RERE: variants seen among roughly 807,000 people sequenced by gnomAD.
RERE encodes the protein arginine-glutamic acid dipeptide repeats.
RERE carries 40 observed loss-of-function variants against 146.1 expected under a neutral mutation model. The observed-to-expected ratio is 0.27, with a 90% CI of 0.21 to 0.36. The LOEUF is 0.36. Among genes scored for constraint, RERE ranks in the 10% least tolerant of loss-of-function variants. The pLI, the probability that RERE is intolerant of heterozygous loss-of-function variation, is 1.00. For synonymous variants in RERE, 1,003 were observed against 866.0 expected, an observed-to-expected ratio of 1.16 and a Z score of -2.78; for missense variants, 1,933 against 2,138.7, an observed-to-expected ratio of 0.90 and a Z score of 1.90.
At chr1:8,489,589 T>C (rs1007778679) in intron 10 of RERE, among the ~76,000 whole-genome samples, 4 of 152,098 alleles carry the variant, frequency 2.6e-5, no homozygotes, top group African/African-American at 7.2e-5. Context: ...TGCTCAACCC[T>C]ATTAAATTAG....
At chr1:8,449,003 G>A (rs920779908) in intron 11 of RERE, among the ~76,000 whole-genome samples, 5 of 152,122 alleles carry the variant, frequency 3.3e-5, no homozygotes, top group Non-Finnish European at 7.3e-5. Context: ...CAGCTCTTTC[G>A]CTTGGTTAAC....
At chr1:8,372,557 A>G (rs1300076100) in intron 12 of RERE, among the ~76,000 whole-genome samples, 1 of 97,194 alleles carries the variant, frequency 1.0e-5, no homozygotes, top group African/African-American at 3.8e-5. Context: ...AAATTAAGCC[A>G]AAGAAGGACT....
At chr1:8,569,604 C>A (rs1646195042) in intron 4 of RERE, among the ~76,000 whole-genome samples, 1 of 152,166 alleles carries the variant, frequency 6.6e-6, no homozygotes, top group Non-Finnish European at 1.5e-5. Flanking sequence ...GATAATATTT[C>A]CTTGAGGTTG....
At chr1:8,408,286 A>G (rs1643511489) in intron 12 of RERE, among the ~76,000 whole-genome samples, 1 of 152,198 alleles carries the variant, frequency 6.6e-6, no homozygotes, top group Non-Finnish European at 1.5e-5. Context: ...AGTAGTAACA[A>G]AGGGCACCAG....
intron 1 of RERE, among the ~76,000 whole-genome samples, chr1:8,750,256 T>C (rs1281338643): frequency 6.6e-6 from 1 of 151,510 alleles, no homozygotes; most frequent in Non-Finnish European, 1.5e-5. Flanking sequence ...ACGTAGTCAG[T>C]AGTCAATGTG....
intron 1 of RERE, among the ~76,000 whole-genome samples, chr1:8,776,127 C>A (rs996581144): frequency 3.3e-5 from 5 of 152,220 alleles, no homozygotes; most frequent in African/African-American, 2.4e-5. Context: ...GTAATAATCT[C>A]TAAATTCTTC....
rs556275406 is a variant in RERE, at chr1:8,361,962, CTT to C, written c.1903-88_1903-87del. On this transcript the variant is annotated intron_variant, in intron 16 of 22. Transcript: ENST00000400908. ...GCAAGGAAATGACGGTTTGCAGACA[CTT>C]TGCTCCCTCATTCTGAGTTCCATCT... 1.9e-4 allele frequency: 182 copies of C among 944,442 alleles called. No individual in the cohort carries two copies. The African/African-American group carries it at 2.7e-3, about 14-fold the overall frequency. 58.5% of individuals were successfully genotyped at this position (944,442 alleles called of 1,614,324 possible).
At chr1:8,800,258 C>CA (rs34669744) in intron 1 of RERE, among the ~76,000 whole-genome samples, 45,491 of 143,828 alleles carry the variant, frequency 0.32, 7,780 homozygotes, top group African/African-American at 0.46. Flanking sequence ...GACTCTACGT[C>CA]AAAAAAAAAA....
At chr1:8,433,247 T>TA (rs1470654836) in intron 11 of RERE, among the ~76,000 whole-genome samples, 20 of 152,300 alleles carry the variant, frequency 1.3e-4, no homozygotes, top group African/African-American at 4.8e-4. Context: ...CTGGTTCTCT[T>TA]AACAATGGAA....
chr1:8,579,761 T>A (rs1335758399), intron 4 of RERE, among the ~76,000 whole-genome samples: 1 of 152,240 alleles, frequency 6.6e-6, no homozygotes, highest in East Asian at 1.9e-4. Context: ...CCCAACACTC[T>A]GGGAGGCCAA....
At chr1:8,612,043 T>TA (rs1481178762) in intron 4 of RERE, among the ~76,000 whole-genome samples, 1 of 152,286 alleles carries the variant, frequency 6.6e-6, no homozygotes, top group Non-Finnish European at 1.5e-5. Context: ...AGTTAAAACT[T>TA]ACAAAATTAA....
At chr1:8,739,324 C>T (rs780681878) in intron 1 of RERE, among the ~76,000 whole-genome samples, 1 of 152,166 alleles carries the variant, frequency 6.6e-6, no homozygotes, top group Non-Finnish European at 1.5e-5. Context: ...GAACTTCAGG[C>T]AATCCACTCT....
chr1:8,420,964 G>A (rs184830658), intron 12 of RERE, among the ~76,000 whole-genome samples: 1 of 152,134 alleles, frequency 6.6e-6, no homozygotes, highest in Non-Finnish European at 1.5e-5. Context: ...CATAGTAGAA[G>A]AACTTAACTA....
chr1:8,768,034 CGTG>C (rs557253567), intron 1 of RERE, among the ~76,000 whole-genome samples: 1 of 152,032 alleles, frequency 6.6e-6, no homozygotes, highest in Non-Finnish European at 1.5e-5. Flanking sequence ...AGACGAGCTA[CGTG>C]GTGGACAGAT....
intron 4 of RERE, among the ~76,000 whole-genome samples, chr1:8,596,824 T>C (rs1222671931): frequency 6.6e-6 from 1 of 152,144 alleles, no homozygotes; most frequent in Non-Finnish European, 1.5e-5. Context: ...AAAACAATTT[T>C]CTCTAATGAA....
At chr1:8,793,068 A>G (rs1017185436) in intron 1 of RERE, among the ~76,000 whole-genome samples, 1 of 150,824 alleles carries the variant, frequency 6.6e-6, no homozygotes, top group African/African-American at 2.4e-5. Flanking sequence ...GAGGCAGGAG[A>G]ATTGCTAGAA....
At chr1:8,549,972 C>T (rs1273176610) in intron 6 of RERE, among the ~76,000 whole-genome samples, 1 of 152,132 alleles carries the variant, frequency 6.6e-6, no homozygotes, top group Non-Finnish European at 1.5e-5. Flanking sequence ...TAATTAAATG[C>T]AATGTGGGAT....
At chr1:8,421,826 T>G (rs1164710860) in intron 12 of RERE, among the ~76,000 whole-genome samples, 1 of 152,234 alleles carries the variant, frequency 6.6e-6, no homozygotes, top group Non-Finnish European at 1.5e-5. Flanking sequence ...CTAGGCAGAT[T>G]AAACATGGAT....
At chr1:8,482,753 G>A (rs751837155) in intron 10 of RERE, among the ~76,000 whole-genome samples, 7 of 150,210 alleles carry the variant, frequency 4.7e-5, no homozygotes, top group Non-Finnish European at 8.9e-5. Context: ...TTGTTACATG[G>A]AACTTTAGAA....
Sources: gnomAD v4.1 joint callset for allele counts (sites outside exome capture counted in the v4.1 genomes callset) on GRCh38, gnomAD v4.1.1 for gene constraint, MANE v1.5 for transcripts, NCBI Gene and HGNC (gene_info 2026-07-23, HGNC 2026-07-21) for gene names.